The following GNG7 variants were observed in gnomAD, a reference collection of about 807,000 sequenced individuals.
GNG7 encodes the protein G protein subunit gamma 7, also known as guanine nucleotide-binding protein G(I)/G(S)/G(O) subunit gamma-7.
Under a neutral mutation model 4.0 loss-of-function variants are expected in GNG7, and 1 was observed. That is an observed-to-expected ratio of 0.25 (90% CI 0.09 to 1.18). GNG7 has a LOEUF of 1.18. Among genes scored for constraint, GNG7 ranks in the 50% most tolerant of loss-of-function variants. GNG7 has a pLI of 0.50. For missense variants in GNG7, 86 were observed against 91.9 expected, an observed-to-expected ratio of 0.94 and a Z score of 0.26; for synonymous variants, 34 against 36.9, an observed-to-expected ratio of 0.92 and a Z score of 0.29.
rs1982886053 is a variant in GNG7, at chr19:2,653,602, G to A, written c.-134-7322C>T. On this transcript the variant is annotated intron_variant, in intron 1 of 4. Coordinates refer to ENST00000382159, the MANE Select transcript of GNG7 (RefSeq NM_052847.3). The surrounding 1 kb of genome is among the most constrained non-coding windows in gnomAD (Gnocchi z 4.8). ...TCCCCCTCGGCACTGTGGGCATTGG[G>A]GCCGGATCATTCTCTGGGGTGGGGC... Among the ~76,000 whole-genome samples, 1 of 152,188 alleles carries A rather than the reference G, an allele frequency of 6.6e-6. No homozygotes were observed. The highest frequency in any genetic ancestry group is 2.1e-4 in the South Asian group (1 of 4,836).
At chr19:2,698,294 T>C (rs1384434798) in intron 1 of GNG7, among the ~76,000 whole-genome samples, 3 of 141,764 alleles carry the variant, frequency 2.1e-5, no homozygotes. Flanking sequence ...CCGGGCGCGG[T>C]GGCTCACGCC....
intron 3 of GNG7, among the ~76,000 whole-genome samples, chr19:2,521,682 C>T (rs1329209383): frequency 5.2e-5 from 7 of 134,218 alleles, no homozygotes; most frequent in Admixed American, 1.7e-4. Flanking sequence ...GGTGTGATCT[C>T]GGCTCACTGC....
intron 3 of GNG7, among the ~76,000 whole-genome samples, chr19:2,539,017 C>A (rs1978852792): frequency 6.6e-6 from 1 of 152,046 alleles, no homozygotes; most frequent in Non-Finnish European, 1.5e-5. Context: ...ATGATCTGCC[C>A]ACCTCGGCCT....
At chr19:2,662,686 T>C (rs1348383371) in intron 1 of GNG7, among the ~76,000 whole-genome samples, 1 of 152,192 alleles carries the variant, frequency 6.6e-6, no homozygotes, top group African/African-American at 2.4e-5. Flanking sequence ...TGCTCAGCTA[T>C]CTCAAAGTTC....
chr19:2,562,189 CG>C (rs1219734998), intron 2 of GNG7, among the ~76,000 whole-genome samples: 1 of 152,330 alleles, frequency 6.6e-6, no homozygotes, highest in Non-Finnish European at 1.5e-5. Flanking sequence ...GAGCCAGAGC[CG>C]TGAGTCACCG....
intron 3 of GNG7, among the ~76,000 whole-genome samples, chr19:2,531,188 C>A (rs1436263237): frequency 7.7e-6 from 1 of 129,650 alleles, no homozygotes; most frequent in Non-Finnish European, 1.6e-5. Context: ...TCTTGTAATC[C>A]CAGCTAGTCA....
chr19:2,702,461 G>A (rs1018122666), intron 1 of GNG7, among the ~76,000 whole-genome samples, 185 bp downstream of exon 1: 5 of 118,194 alleles, frequency 4.2e-5, no homozygotes, highest in Non-Finnish European at 8.6e-5. Context: ...CCCCCTAAGC[G>A]CAGCCCCGTC....
At chr19:2,639,588 A>G (rs1295414350) in intron 2 of GNG7, among the ~76,000 whole-genome samples, 60 of 149,056 alleles carry the variant, frequency 4.0e-4, no homozygotes, top group East Asian at 6.0e-4. Context: ...TGTCAAATGT[A>G]GATGGCAGGC....
chr19:2,521,443 T>C (rs1365715344), intron 3 of GNG7, among the ~76,000 whole-genome samples: 1 of 151,862 alleles, frequency 6.6e-6, no homozygotes, highest in African/African-American at 2.4e-5. Flanking sequence ...GGGGTGCTCC[T>C]GGCATGGAGT....
At chr19:2,586,984 C>CAAAAAAA (rs756891397) in intron 2 of GNG7, among the ~76,000 whole-genome samples, 1 of 48,736 alleles carries the variant, frequency 2.1e-5, no homozygotes, top group Non-Finnish European at 3.9e-5. Flanking sequence ...GACTCCATCT[C>CAAAAAAA]AAAAAAAAAA....
intron 2 of GNG7, among the ~76,000 whole-genome samples, chr19:2,644,107 G>A (rs1190649427): frequency 6.6e-6 from 1 of 151,634 alleles, no homozygotes; most frequent in Non-Finnish European, 1.5e-5. Flanking sequence ...TGCAACCTCC[G>A]TCTCCCGCGT....
intron 2 of GNG7, among the ~76,000 whole-genome samples, chr19:2,635,868 C>G (rs1982294101): frequency 6.6e-6 from 1 of 152,054 alleles, no homozygotes; most frequent in African/African-American, 2.4e-5. Flanking sequence ...CAGGTGTGAG[C>G]CACCGTGCCT....
intron 1 of GNG7, among the ~76,000 whole-genome samples, chr19:2,660,082 G>A (rs1172239160): frequency 6.6e-6 from 1 of 152,158 alleles, no homozygotes; most frequent in Non-Finnish European, 1.5e-5. Context: ...AGTCCTCATG[G>A]AATCCGTCCC....
chr19:2,664,497 G>A (rs1983255339), intron 1 of GNG7, among the ~76,000 whole-genome samples: 1 of 152,096 alleles, frequency 6.6e-6, no homozygotes, highest in Non-Finnish European at 1.5e-5. Context: ...TGCACCCTGG[G>A]GCACACAGAA....
intron 1 of GNG7, among the ~76,000 whole-genome samples, chr19:2,654,462 G>A (rs946391084): frequency 2.9e-5 from 4 of 139,602 alleles, no homozygotes; most frequent in Non-Finnish European, 4.7e-5. Flanking sequence ...CCCCAGTCAC[G>A]ACAGTCACAG....
Position 2,617,174 on chromosome 19 carries a change from G to A in GNG7, c.-78+29050C>T, listed in dbSNP as rs914469479. ...GGTGCACTGCAGGGTGCTGAGTGGC[G>A]TCCCTGACCCCCACCCACTCCATGC... On this transcript the variant is annotated intron_variant, in intron 2 of 4. Transcript: ENST00000382159. The surrounding 1 kb of genome is among the most constrained non-coding windows in gnomAD (Gnocchi z 4.7). 2.0e-5 allele frequency among the ~76,000 whole-genome samples: 3 copies of A among 152,122 alleles called. No homozygotes were observed. Among genetic ancestry groups the A allele is most frequent in the Non-Finnish European group, 2.9e-5 (2 of 68,028 alleles).
intron 2 of GNG7, among the ~76,000 whole-genome samples, chr19:2,561,591 T>G (rs558104304): frequency 2.0e-4 from 31 of 151,834 alleles, no homozygotes; most frequent in African/African-American, 7.0e-4. Flanking sequence ...GAAATGACAC[T>G]GGTTGGCCGG....
intron 1 of GNG7, among the ~76,000 whole-genome samples, chr19:2,674,887 T>A (rs905228622): frequency 1.3e-5 from 2 of 152,168 alleles, no homozygotes; most frequent in African/African-American, 4.8e-5. Context: ...TTCTACATAG[T>A]CAAGTTTGAA....
intron 2 of GNG7, among the ~76,000 whole-genome samples, chr19:2,612,112 AT>A: frequency 6.6e-6 from 1 of 152,168 alleles, no homozygotes; most frequent in African/African-American, 2.4e-5. Context: ...CAACCTCGTG[AT>A]CCGCCTACCC....
Sources: gnomAD v4.1 joint callset for allele counts (sites outside exome capture counted in the v4.1 genomes callset) on GRCh38, gnomAD v4.1.1 for gene constraint, Gnocchi (gnomAD v3.1) non-coding constraint, MANE v1.5 for transcripts, NCBI Gene and HGNC (gene_info 2026-07-23, HGNC 2026-07-21) for gene names.